SPIDR: variants seen among roughly 807,000 people sequenced by gnomAD.
SPIDR encodes DNA repair-scaffolding protein.
SPIDR carries 93 observed loss-of-function variants against 104.6 expected under a neutral mutation model. The ratio of observed to expected loss-of-function variants is 0.89; its 90% CI spans 0.75 to 1.06. The LOEUF (loss-of-function observed/expected upper bound fraction) is 1.06, where lower values mean the gene tolerates loss of function less well. Among genes scored for constraint, SPIDR ranks in the 50% least tolerant of loss-of-function variants. SPIDR has a pLI of 0.00. For missense variants in SPIDR, 1,154 were observed against 1,111.2 expected, an observed-to-expected ratio of 1.04 and a Z score of -0.55; for synonymous variants, 431 against 416.9, an observed-to-expected ratio of 1.03 and a Z score of -0.41.
chr8:47,594,688 A>G (rs1244465156), intron 8 of SPIDR, among the ~76,000 whole-genome samples: 1 of 151,984 alleles, frequency 6.6e-6, no homozygotes, highest in Non-Finnish European at 1.5e-5. Flanking sequence ...AACCTGAGAT[A>G]TAAGAGGCAA....
chr8:47,686,451 G>A (rs1255780985), intron 11 of SPIDR, among the ~76,000 whole-genome samples: 4 of 152,160 alleles, frequency 2.6e-5, no homozygotes, highest in African/African-American at 9.7e-5. Context: ...GAAAATCTCT[G>A]TTAATACGGG....
At position 47,735,495 on chromosome 8, in the gene SPIDR, T is replaced by G. The variant is rs1055409082; in HGVS notation, c.*45T>G. ...GAACTTTGCAATGTGGCTGCAAGGG[T>G]GGTGGTGGTGGTGGTGATTTGGGGT... On this transcript the variant is annotated 3_prime_UTR_variant, in exon 20 of 20. Transcript: ENST00000297423. 3.1e-6 allele frequency: 5 copies of G among 1,605,894 alleles called. No individual in the cohort carries two copies. The highest frequency in any genetic ancestry group is 1.3e-5 in the African/African-American group (1 of 74,656).
intron 5 of SPIDR, among the ~76,000 whole-genome samples, chr8:47,313,193 G>A (rs1190260824): frequency 1.3e-5 from 2 of 152,152 alleles, no homozygotes; most frequent in African/African-American, 2.4e-5. Context: ...TCCTTAAGCT[G>A]ATAAGCAACT....
Position 47,701,879 on chromosome 8 carries a change from T to C in SPIDR, c.1917+15T>C. 6.2e-7 allele frequency: 1 copy of C among 1,614,174 alleles called. No homozygotes were observed. Among genetic ancestry groups the C allele is most frequent in the Non-Finnish European group, 8.5e-7 (1 of 1,180,028 alleles). ...ACATTCTCCAGGTAATGTCTTTGTT[T>C]CTAACAGGTTTTTTAGGTATTGGCC... On this transcript the variant is annotated intron_variant, in intron 13 of 19. Transcript: ENST00000297423.
intron 8 of SPIDR, among the ~76,000 whole-genome samples, chr8:47,485,882 C>A (rs868936844): frequency 6.6e-6 from 1 of 152,166 alleles, no homozygotes; most frequent in South Asian, 2.1e-4. Context: ...AAGGTAGATA[C>A]AGCCACAAAG....
intron 11 of SPIDR, among the ~76,000 whole-genome samples, chr8:47,674,853 G>A (rs1425209958): frequency 1.3e-5 from 2 of 152,128 alleles, no homozygotes; most frequent in Non-Finnish European, 2.9e-5. Context: ...TTGACTTTGA[G>A]TCCTGTCTCT....
chr8:47,543,123 A>G (rs988956744), intron 8 of SPIDR, among the ~76,000 whole-genome samples: 2 of 152,194 alleles, frequency 1.3e-5, no homozygotes, highest in African/African-American at 2.4e-5. Context: ...TAGTGCTGGT[A>G]TGAACATTTG....
At chr8:47,619,762 A>G (rs949347523) in intron 10 of SPIDR, among the ~76,000 whole-genome samples, 3 of 151,916 alleles carry the variant, frequency 2.0e-5, no homozygotes, top group African/African-American at 7.3e-5. Flanking sequence ...CTAAGTCTTT[A>G]TAGTGCTGAG....
intron 5 of SPIDR, among the ~76,000 whole-genome samples, chr8:47,343,262 A>G (rs1401946937): frequency 6.6e-6 from 1 of 152,226 alleles, no homozygotes; most frequent in African/African-American, 2.4e-5. Flanking sequence ...CATTTTTGAC[A>G]TCAGGTATCT....
chr8:47,561,654 C>G (rs537523293), intron 8 of SPIDR, among the ~76,000 whole-genome samples: 1 of 152,278 alleles, frequency 6.6e-6, no homozygotes, highest in East Asian at 1.9e-4. Flanking sequence ...GCTGCAGTGC[C>G]CACCCCTGCC....
intron 8 of SPIDR, among the ~76,000 whole-genome samples, chr8:47,544,471 G>A (rs1357197464): frequency 6.6e-6 from 1 of 152,096 alleles, no homozygotes. Flanking sequence ...ATTTTCTCCT[G>A]TGTCATTTTG....
chr8:47,639,821 A>G (rs1041854283), intron 10 of SPIDR, among the ~76,000 whole-genome samples: 2 of 152,066 alleles, frequency 1.3e-5, no homozygotes, highest in Non-Finnish European at 2.9e-5. Flanking sequence ...GATGTTGCAC[A>G]TCTGTAGTCC....
intron 10 of SPIDR, among the ~76,000 whole-genome samples, chr8:47,609,791 C>G (rs1285458072): frequency 6.6e-6 from 1 of 152,086 alleles, no homozygotes; most frequent in East Asian, 1.9e-4. Context: ...TCATTTATAG[C>G]TATACACATT....
chr8:47,699,786 C>A (rs529072762), intron 11 of SPIDR, among the ~76,000 whole-genome samples: 10 of 152,312 alleles, frequency 6.6e-5, no homozygotes, highest in African/African-American at 2.2e-4. Context: ...AACTGCTGAC[C>A]TCAGGTGATC....
At chr8:47,515,303 A>G (rs1339903012) in intron 8 of SPIDR, among the ~76,000 whole-genome samples, 1 of 152,248 alleles carries the variant, frequency 6.6e-6, no homozygotes, top group African/African-American at 2.4e-5. Flanking sequence ...TCATAGTTCA[A>G]AATATGAGGG....
At chr8:47,452,657 CA>C (rs1362896443) in intron 8 of SPIDR, among the ~76,000 whole-genome samples, 8 of 152,122 alleles carry the variant, frequency 5.3e-5, no homozygotes, top group Non-Finnish European at 1.2e-4. Flanking sequence ...TGACAAAATT[CA>C]ACAACCTTCA....
chr8:47,387,076 T>C lies in SPIDR; in HGVS notation c.526-9300T>C, dbSNP rs534338110. The stretch of plus-strand genomic sequence containing the variant: ...ATGAGGGGATATTTAAGCTGAAACC[T>C]TGAAACATGAGAAAGACTTAGGGAA... On this transcript the variant is annotated intron_variant, in intron 5 of 19. Coordinates refer to ENST00000297423, the MANE Select transcript of SPIDR (RefSeq NM_001080394.4). Among the ~76,000 whole-genome samples, 7 of 152,216 alleles carry C rather than the reference T, an allele frequency of 4.6e-5. No homozygotes were observed. In the South Asian group the frequency reaches 1.2e-3, roughly 27 times the overall value.
chr8:47,686,852 ACTAT>A (rs1180649297), intron 11 of SPIDR, among the ~76,000 whole-genome samples: 1 of 152,032 alleles, frequency 6.6e-6, no homozygotes, highest in African/African-American at 2.4e-5. Flanking sequence ...ACAGCAATAA[ACTAT>A]CTATAGTAGG....
intron 11 of SPIDR, among the ~76,000 whole-genome samples, chr8:47,699,089 A>C (rs989038026): frequency 1.3e-5 from 2 of 152,182 alleles, no homozygotes; most frequent in East Asian, 3.9e-4. Flanking sequence ...TTTCTTCACA[A>C]AGTAACACTA....
Sources: gnomAD v4.1 joint callset for allele counts (sites outside exome capture counted in the v4.1 genomes callset) on GRCh38, gnomAD v4.1.1 for gene constraint, MANE v1.5 for transcripts, NCBI Gene and HGNC (gene_info 2026-07-23, HGNC 2026-07-21) for gene names.